Variants in TAMM41 observed in about 807,000 individuals in gnomAD.
The protein encoded by TAMM41 is TAM41 mitochondrial translocator assembly and maintenance homolog.
TAMM41 carries 36 observed loss-of-function variants against 44.1 expected under a neutral mutation model. The observed-to-expected ratio is 0.82, with a 90% CI of 0.63 to 1.08. The LOEUF (loss-of-function observed/expected upper bound fraction) is 1.08. Among genes scored for constraint, TAMM41 ranks in the 50% least tolerant of loss-of-function variants. The probability of loss-of-function intolerance (pLI) is 0.00; values close to 1 mark genes in which losing one functional copy is unlikely to be tolerated. For synonymous variants in TAMM41, 164 were observed against 153.1 expected, an observed-to-expected ratio of 1.07 and a Z score of -0.53; for missense variants, 417 against 404.3, an observed-to-expected ratio of 1.03 and a Z score of -0.27.
chr3:11,788,000 A>G (rs924291), downstream of TAMM41, among the ~76,000 whole-genome samples: 83,297 of 152,046 alleles, frequency 0.55, 23,447 homozygotes, highest in East Asian at 0.76. Context: ...AGACACAAGT[A>G]TTCATCATTT....
At chr3:11,828,918 A>G (rs2078870304) in intron 4 of TAMM41, among the ~76,000 whole-genome samples, 1 of 152,158 alleles carries the variant, frequency 6.6e-6, no homozygotes, top group Admixed American at 6.6e-5. Context: ...ATCGGGAAAG[A>G]TGATTTTTTT....
At chr3:11,770,097 T>C in the TAMM41 span, among the ~76,000 whole-genome samples, 1 of 152,212 alleles carries the variant, frequency 6.6e-6, no homozygotes, top group Admixed American at 6.5e-5. Context: ...TTCAATCTCA[T>C]AGAATCCACA....
intron 3 of TAMM41, among the ~76,000 whole-genome samples, chr3:11,833,362 C>A (rs1250617511): frequency 6.6e-6 from 1 of 152,152 alleles, no homozygotes; most frequent in Non-Finnish European, 1.5e-5. Context: ...CACATGTGGG[C>A]TCCTCTAAAA....
At chr3:11,819,773 T>TA (rs1195387635) in intron 4 of TAMM41, among the ~76,000 whole-genome samples, 3 of 151,996 alleles carry the variant, frequency 2.0e-5, no homozygotes, top group African/African-American at 7.2e-5. Flanking sequence ...AAAAACTTCA[T>TA]AAAAAATGAG....
the TAMM41 span, among the ~76,000 whole-genome samples, chr3:11,748,469 G>T: frequency 6.6e-6 from 1 of 151,622 alleles, no homozygotes; most frequent in Non-Finnish European, 1.5e-5. Context: ...TTTTAGTACA[G>T]TGCAGTGGTG....
chr3:11,766,546 A>T, the TAMM41 span, among the ~76,000 whole-genome samples: 3 of 151,464 alleles, frequency 2.0e-5, no homozygotes, highest in Admixed American at 6.6e-5. Flanking sequence ...ATTTTATTTT[A>T]TTATTTTCTT....
Position 11,814,064 on chromosome 3 carries a change from GCTC to G in TAMM41, c.708+3125_708+3127del, listed in dbSNP as rs1263206089. Among the ~76,000 whole-genome samples the G allele has an allele frequency of 2.6e-5, 4 of 151,800 alleles. No homozygotes were observed. In the South Asian group the frequency reaches 6.2e-4, roughly 24 times the overall value. On this transcript the variant is annotated intron_variant, in intron 5 of 7. Transcript: ENST00000455809. The stretch of plus-strand genomic sequence containing the variant: ...ATAGTGGCATGGGCCTGTAGTCGCA[GCTC>G]CTCAAGAGGCTGAGGTGAGAGGATC...
chr3:11,739,023 T>C, the TAMM41 span, among the ~76,000 whole-genome samples: 1 of 152,216 alleles, frequency 6.6e-6, no homozygotes, highest in African/African-American at 2.4e-5. Context: ...CCAGCGACAT[T>C]AGACTCTACT....
At chr3:11,730,876 G>T in the TAMM41 span, among the ~76,000 whole-genome samples, 1 of 152,196 alleles carries the variant, frequency 6.6e-6, no homozygotes, top group African/African-American at 2.4e-5. Context: ...ATTTGCTGGG[G>T]TTCGAATGTG....
the TAMM41 span, among the ~76,000 whole-genome samples, chr3:11,733,007 TGTTTG>T: frequency 0.026 from 3,469 of 132,096 alleles, 176 homozygotes; most frequent in Non-Finnish European, 0.04. Context: ...TTTGTTTGTT[TGTTTG>T]TTTTGAGATG....
At chr3:11,772,682 C>T in the TAMM41 span, among the ~76,000 whole-genome samples, 373 of 152,106 alleles carry the variant, frequency 2.5e-3, no homozygotes, top group South Asian at 5.0e-3. Context: ...GGGTAGATAC[C>T]CAGTAAAGGG....
the TAMM41 span, among the ~76,000 whole-genome samples, chr3:11,733,108 C>G: frequency 2.0e-5 from 3 of 150,790 alleles, no homozygotes; most frequent in Non-Finnish European, 4.4e-5. Context: ...AGGCATTTCT[C>G]CTGCCACAGC....
the TAMM41 span, among the ~76,000 whole-genome samples, chr3:11,771,043 G>T: frequency 7.2e-5 from 11 of 152,022 alleles, no homozygotes; most frequent in Admixed American, 6.6e-4. Context: ...GTTCTCTCTA[G>T]GCTTAGGACC....
chr3:11,824,096 G>C (rs990659936), intron 4 of TAMM41, among the ~76,000 whole-genome samples: 1 of 151,942 alleles, frequency 6.6e-6, no homozygotes, highest in African/African-American at 2.4e-5. Flanking sequence ...CAAAGTGTTG[G>C]GATTACAGGC....
chr3:11,825,755 T>C (rs953946921), intron 4 of TAMM41, among the ~76,000 whole-genome samples: 7 of 152,158 alleles, frequency 4.6e-5, no homozygotes, highest in Non-Finnish European at 8.8e-5. Context: ...GGGGCTGTCA[T>C]GTTTCAATCC....
At chr3:11,793,592 A>G (rs2077537010) in intron 7 of TAMM41, among the ~76,000 whole-genome samples, 1 of 152,256 alleles carries the variant, frequency 6.6e-6, no homozygotes, top group African/African-American at 2.4e-5. Flanking sequence ...CAACCCAAGT[A>G]TCCATCAATA....
intron 3 of TAMM41, among the ~76,000 whole-genome samples, chr3:11,835,369 T>C (rs1210928280): frequency 6.6e-6 from 1 of 152,206 alleles, no homozygotes; most frequent in Non-Finnish European, 1.5e-5. Flanking sequence ...AAAAATATGT[T>C]CATCACTTTC....
At chr3:11,803,067 T>G (rs2077799071) in intron 7 of TAMM41, among the ~76,000 whole-genome samples, 3 of 152,188 alleles carry the variant, frequency 2.0e-5, no homozygotes, top group Admixed American at 6.5e-5. Context: ...AGATCAGGAA[T>G]TCAAGGCCAG....
the TAMM41 span, among the ~76,000 whole-genome samples, chr3:11,747,220 G>A: frequency 2.6e-5 from 4 of 152,020 alleles, no homozygotes; most frequent in Admixed American, 6.6e-5. Context: ...ACGCCACCAT[G>A]CCTGGCTAAT....
Sources: gnomAD v4.1 joint callset for allele counts (sites outside exome capture counted in the v4.1 genomes callset) on GRCh38, gnomAD v4.1.1 for gene constraint, MANE v1.5 for transcripts, NCBI Gene and HGNC (gene_info 2026-07-23, HGNC 2026-07-21) for gene names.